Variants in ZNF589 observed in about 807,000 individuals in gnomAD.
ZNF589 encodes the protein zinc finger protein 589, also known as KRAB-zinc finger protein SZF1-1.
A neutral mutation model predicts 13.6 loss-of-function variants in ZNF589; 17 were observed. The observed-to-expected ratio is 1.25, with a 90% CI of 0.86 to 1.88. The LOEUF is 1.88. Ranked by LOEUF, ZNF589 falls within the 40% of genes most tolerant of loss-of-function variation. The pLI, the probability that ZNF589 is intolerant of heterozygous loss-of-function variation, is 0.00. For synonymous variants in ZNF589, 148 were observed against 161.6 expected (o/e 0.92, Z 0.64); for missense variants, 407 against 434.0 (o/e 0.94, Z 0.55).
Position 48,269,197 on chromosome 3 carries a change from C to A in ZNF589, c.*411C>A. 1 of 1,243,882 alleles carries A rather than the reference C, an allele frequency of 8.0e-7. No homozygotes were observed. Among genetic ancestry groups the A allele is most frequent in the Non-Finnish European group, 1.1e-6 (1 of 870,592 alleles). The allele number at this position is 1,243,882 out of a possible 1,614,324, so 77.1% of individuals were successfully genotyped here. ...ACTCTGGGGAGAAGCCTTATGCATG[C>A]ACGGAGTGTGGGCAAGGCTTTATCA... On this transcript the variant is annotated 3_prime_UTR_variant, in exon 4 of 4. Coordinates refer to ENST00000354698, the MANE Select transcript of ZNF589 (RefSeq NM_016089.3).
At chr3:48,257,126 T>G in intron 2 of ZNF589, 1 of 420,090 alleles carries the variant, frequency 2.4e-6, no homozygotes, top group Non-Finnish European at 4.7e-6. Flanking sequence ...TAATTTCTAA[T>G]GTCTTTATCT....
At position 48,241,226 on chromosome 3, in the gene ZNF589, C is replaced by T; in HGVS notation, c.43+12C>T. The T allele has an allele frequency of 6.2e-7, 1 of 1,610,608 alleles. No individual in the cohort carries two copies. Among genetic ancestry groups the T allele is most frequent in the Non-Finnish European group, 8.5e-7 (1 of 1,179,354 alleles). On this transcript the variant is annotated intron_variant, in intron 1 of 3. Transcript: ENST00000354698. ...CTGGACTGCGGAAGGTGAGTCGGGG[C>T]CGCGAGATCGCCTCCCCCATTCGGT...
intron 2 of ZNF589, among the ~76,000 whole-genome samples, chr3:48,254,048 C>A (rs2033870205): frequency 6.6e-6 from 1 of 152,068 alleles, no homozygotes; most frequent in African/African-American, 2.4e-5. Flanking sequence ...TATTATTATG[C>A]CACTGTACTC....
At chr3:48,242,711 A>C (rs545867199) in intron 1 of ZNF589, among the ~76,000 whole-genome samples, 1 of 152,298 alleles carries the variant, frequency 6.6e-6, no homozygotes, top group African/African-American at 2.4e-5. Context: ...GCAGCCAAAG[A>C]CCATAGGTAA....
chr3:48,252,392 C>T (rs934257765), intron 2 of ZNF589, among the ~76,000 whole-genome samples: 7 of 151,590 alleles, frequency 4.6e-5, no homozygotes, highest in African/African-American at 7.3e-5. Flanking sequence ...GGGGTTTCAC[C>T]GTGTTAGCCA....
In ZNF589 at chr3:48,269,388, G is replaced by T; in HGVS notation, c.*602G>T. The T allele has an allele frequency of 1.6e-6, 1 of 643,942 alleles. No homozygotes were observed. 39.9% of individuals were successfully genotyped at this position (643,942 alleles called of 1,614,324 possible). ...TGCAGCCAGTGTGGGCGAGGCTTTT[G>T]TGATAAATCAACTCTCCTCGCACAC... On this transcript the variant is annotated 3_prime_UTR_variant, in exon 4 of 4. Transcript: ENST00000354698.
In ZNF589 at chr3:48,270,244, T is replaced by C; in HGVS notation, c.*1458T>C. On this transcript the variant is annotated 3_prime_UTR_variant, in exon 4 of 4. Transcript: ENST00000354698. ...TGAGGGACACCTTTACCAGGTCCCC[T>C]TCCTAACCCTCCAGTCCCAAATCCA... 2.2e-6 allele frequency: 1 copy of C among 457,294 alleles called. No homozygotes were observed. The highest frequency in any genetic ancestry group is 4.4e-6 in the Non-Finnish European group (1 of 227,058). 28.3% of individuals were successfully genotyped at this position (457,294 alleles called of 1,614,324 possible).
rs559778402 is a variant in ZNF589 at position 48,269,203 on chromosome 3, G to A, written c.*417G>A. 6.2e-6 allele frequency: 8 copies of A among 1,293,248 alleles called. No homozygotes were observed. In the South Asian group the frequency reaches 8.6e-5, roughly 14 times the overall value. The allele number at this position is 1,293,248 out of a possible 1,614,324, so 80.1% of individuals were successfully genotyped here. ...GGGAGAAGCCTTATGCATGCACGGAGTGTGGGCAAGGCTTTATCACGAAAT... is the reference window on the plus strand; with the variant it reads ...GGGAGAAGCCTTATGCATGCACGGAATGTGGGCAAGGCTTTATCACGAAAT... On this transcript the variant is annotated 3_prime_UTR_variant, in exon 4 of 4. Coordinates refer to ENST00000354698, the MANE Select transcript of ZNF589 (RefSeq NM_016089.3).
intron 3 of ZNF589, among the ~76,000 whole-genome samples, chr3:48,263,556 C>G (rs971320828): frequency 3.9e-5 from 6 of 152,140 alleles, no homozygotes; most frequent in Non-Finnish European, 8.8e-5. Context: ...GCCTGGCCAA[C>G]ATGGTGTAAC....
intron 2 of ZNF589, among the ~76,000 whole-genome samples, chr3:48,252,617 CTTTTTTTTTT>C (rs71625863): frequency 1.2e-4 from 12 of 97,304 alleles, no homozygotes; most frequent in East Asian, 1.1e-3. Flanking sequence ...AGAATAATAT[CTTTTTTTTTT>C]TTTTTTTTTT....
At chr3:48,247,492 G>T in intron 1 of ZNF589, 133 bp from the exon 2 acceptor site, 3 of 791,956 alleles carry the variant, frequency 3.8e-6, no homozygotes, top group Non-Finnish European at 4.1e-6. Flanking sequence ...AAGGCAGGAG[G>T]TGAGAGGAGC....
chr3:48,256,992 G>A (rs780349793), intron 2 of ZNF589: 1 of 592,826 alleles, frequency 1.7e-6, no homozygotes, highest in Admixed American at 2.1e-5. Flanking sequence ...TGTTGAACCA[G>A]CTTTGCAGAA....
At chr3:48,241,257 A>T in intron 1 of ZNF589, 43 bp downstream of exon 1, 1 of 1,603,526 alleles carries the variant, frequency 6.2e-7, no homozygotes, top group Non-Finnish European at 8.5e-7. Context: ...TCGGTGCTCC[A>T]GCCGCAGGCG....
At chr3:48,246,441 G>T (rs2033766481) in intron 1 of ZNF589, among the ~76,000 whole-genome samples, 1 of 152,170 alleles carries the variant, frequency 6.6e-6, no homozygotes, top group African/African-American at 2.4e-5. Context: ...GTAAAATAAG[G>T]AATAACATTG....
chr3:48,264,404 G>T (rs1372435763), intron 3 of ZNF589, among the ~76,000 whole-genome samples: 2 of 150,900 alleles, frequency 1.3e-5, no homozygotes, highest in Non-Finnish European at 3.0e-5. Flanking sequence ...GAGGTGGCAC[G>T]TGCCTGTAAT....
Position 48,259,187 on chromosome 3 carries a change from G to A in ZNF589, c.97-1626G>A, listed in dbSNP as rs1342042778. Among the ~76,000 whole-genome samples the A allele has an allele frequency of 2.6e-5, 4 of 152,164 alleles. No individual in the cohort carries two copies. In the South Asian group the frequency reaches 8.3e-4, roughly 32 times the overall value. On this transcript the variant is annotated intron_variant, in intron 2 of 3. Transcript: ENST00000354698. ...CTTTTTGTCCTCCCTCGTACACTGT[G>A]CCACGCGGCCTGACTGCCTGGGCTG...
intron 3 of ZNF589, among the ~76,000 whole-genome samples, chr3:48,264,832 T>A (rs1288839904): frequency 1.3e-5 from 2 of 151,864 alleles, no homozygotes; most frequent in African/African-American, 2.4e-5. Flanking sequence ...CTCAAAAAAA[T>A]AAATAAATAA....
chr3:48,260,509 A>G (rs1280139929), intron 2 of ZNF589, among the ~76,000 whole-genome samples: 2 of 152,040 alleles, frequency 1.3e-5, no homozygotes, highest in Non-Finnish European at 2.9e-5. Flanking sequence ...CTCAGGTTCA[A>G]GTGATTCTCC....
intron 2 of ZNF589, among the ~76,000 whole-genome samples, chr3:48,247,910 A>G (rs1351388577): frequency 6.6e-6 from 1 of 152,242 alleles, no homozygotes; most frequent in Non-Finnish European, 1.5e-5. Flanking sequence ...TCTAAAATAT[A>G]ATGGTAACTT....
Sources: allele counts gnomAD v4.1 joint callset (sites outside exome capture counted in the v4.1 genomes callset), GRCh38; gene constraint gnomAD v4.1.1; transcripts MANE v1.5; gene names NCBI Gene and HGNC (gene_info 2026-07-23, HGNC 2026-07-21).